PSD3: variants seen among roughly 807,000 people sequenced by gnomAD.
PSD3 encodes the protein pleckstrin and Sec7 domain containing 3, also known as PH and SEC7 domain-containing protein 3.
Under a neutral mutation model 105.5 loss-of-function variants are expected in PSD3, and 49 were observed. That is an observed-to-expected ratio of 0.46 (90% confidence interval 0.37 to 0.59). The LOEUF (loss-of-function observed/expected upper bound fraction) is 0.59. Ranked by LOEUF, PSD3 falls within the 20% of genes least tolerant of loss-of-function variation. PSD3 has a pLI of 0.00. For synonymous variants in PSD3, 557 were observed against 457.8 expected (o/e 1.22, Z -2.77); for missense variants, 1,561 against 1,263.8 (o/e 1.24, Z -3.57).
chr8:18,822,928 C>T (rs1190898739), intron 4 of PSD3, among the ~76,000 whole-genome samples: 1 of 152,154 alleles, frequency 6.6e-6, no homozygotes, highest in African/African-American at 2.4e-5. Flanking sequence ...GGCACTACCT[C>T]ACTCCCATCC....
Position 19,013,550 on chromosome 8 carries a change from C to A in PSD3, c.21+13G>T. 3 of 1,568,440 alleles carry A rather than the reference C, an allele frequency of 1.9e-6. No individual in the cohort carries two copies. Among genetic ancestry groups the A allele is most frequent in the Admixed American group, 1.8e-5 (1 of 57,094 alleles). On this transcript the variant is annotated intron_variant, in intron 1 of 15. Transcript: ENST00000327040. ...TGCGCACCCCGCGCCCGCGCCCCGG[C>A]CCCGGAGCTCACCGCTGCGCTCCTT...
intron 1 of PSD3, chr8:19,000,724 G>A (rs544980154): frequency 6.6e-6 from 1 of 152,010 alleles, no homozygotes; most frequent in African/African-American, 2.4e-5. Flanking sequence ...GCAAAAAAGT[G>A]ATCAGGCCAG....
chr8:18,867,860 T>C lies in PSD3; in HGVS notation c.1448A>G (p.Gln483Arg). The part of the protein sequence containing the change: ...SFEMPLTPMI[Q>R]QRIKEGGQFL... Reference sequence around the variant, plus strand: ...CTGACCACCTTCTTTAATGCGCTGTTGTATCATTGGAGTGAGGGGCATTTC... The same window carrying C: ...CTGACCACCTTCTTTAATGCGCTGTCGTATCATTGGAGTGAGGGGCATTTC... The change falls in exon 4 of 16, where the codon CAA becomes CGA. Residue 483 changes from glutamine to arginine, a missense_variant. By Grantham distance (43) the Gln-to-Arg change is conservative (BLOSUM62 1). Transcript: ENST00000327040. The C allele has an allele frequency of 3.7e-6, 6 of 1,614,192 alleles. No homozygotes were observed. Among genetic ancestry groups the C allele is most frequent in the Non-Finnish European group, 5.1e-6 (6 of 1,180,036 alleles).
chr8:18,581,607 C>T (rs1323798895), intron 12 of PSD3, among the ~76,000 whole-genome samples: 1 of 152,112 alleles, frequency 6.6e-6, no homozygotes, highest in Non-Finnish European at 1.5e-5. Context: ...GAAGTGTTCA[C>T]CCGAATTTAT....
At chr8:18,592,616 T>G (rs540252257) in intron 12 of PSD3, among the ~76,000 whole-genome samples, 1 of 152,264 alleles carries the variant, frequency 6.6e-6, no homozygotes, top group South Asian at 2.1e-4. Flanking sequence ...GAAAAGTGAT[T>G]GGTCTGTGTA....
At chr8:18,809,798 T>C (rs1811538046) in intron 4 of PSD3, among the ~76,000 whole-genome samples, 1 of 152,332 alleles carries the variant, frequency 6.6e-6, no homozygotes, top group Middle Eastern at 3.4e-3. Context: ...TCTACAGTTT[T>C]ATCAAGACTT....
chr8:18,872,513 G>T lies in PSD3; in HGVS notation c.351C>A (p.Ala117=). 6.2e-7 allele frequency: 1 copy of T among 1,614,074 alleles called. No individual in the cohort carries two copies. The highest frequency in any genetic ancestry group is 1.1e-5 in the South Asian group (1 of 91,064). The change falls in exon 3 of 16, where the codon GCC becomes GCA. Residue 117 remains alanine (A), a synonymous_variant. Coordinates refer to ENST00000327040, the MANE Select transcript of PSD3 (RefSeq NM_015310.4). ...GTTCCTTGAGATGACTTTGAGAGGG[G>T]GCCTCTCTGACATCTTTTGGTCCTT... ...VTEGPKDVRE[A]PSQSHLKEQS...
At chr8:18,656,007 A>T (rs1226455793) in intron 9 of PSD3, among the ~76,000 whole-genome samples, 1 of 152,176 alleles carries the variant, frequency 6.6e-6, no homozygotes, top group African/African-American at 2.4e-5. Context: ...TCATATTGAA[A>T]ATATGGTCTT....
intron 13 of PSD3, among the ~76,000 whole-genome samples, chr8:18,574,412 GC>G (rs1310277678): frequency 6.6e-6 from 1 of 152,080 alleles, no homozygotes; most frequent in East Asian, 1.9e-4. Flanking sequence ...GTTTCTTTAT[GC>G]CCAATAGCTG....
intron 1 of PSD3, among the ~76,000 whole-genome samples, chr8:18,980,361 T>G (rs565369787): frequency 2.1e-4 from 32 of 152,258 alleles, no homozygotes; most frequent in Admixed American, 2.0e-4. Flanking sequence ...GGAGGTAGCT[T>G]ATCTTATGGT....
intron 1 of PSD3, among the ~76,000 whole-genome samples, chr8:18,949,245 ATATATATATATATATATATAT>A (rs1823079063): frequency 2.8e-5 from 1 of 35,258 alleles, no homozygotes; most frequent in Non-Finnish European, 5.6e-5. Flanking sequence ...AAAAAAAAAA[ATATATATATATATATATATAT>A]ATATATATAT....
At chr8:18,769,699 C>T (rs917226561) in intron 8 of PSD3, among the ~76,000 whole-genome samples, 2 of 152,170 alleles carry the variant, frequency 1.3e-5, no homozygotes, top group Admixed American at 1.3e-4. Flanking sequence ...ACAGATTTGC[C>T]TATTCAGGAC....
chr8:18,941,119 A>G (rs557777357), intron 1 of PSD3, among the ~76,000 whole-genome samples: 1 of 152,342 alleles, frequency 6.6e-6, no homozygotes, highest in East Asian at 1.9e-4. Flanking sequence ...AATTCAGACT[A>G]CTATTTCCTT....
At chr8:18,909,821 T>C (rs953968852) in intron 2 of PSD3, among the ~76,000 whole-genome samples, 1 of 152,238 alleles carries the variant, frequency 6.6e-6, no homozygotes, top group Non-Finnish European at 1.5e-5. Flanking sequence ...CTACAATGTT[T>C]TAAGTAAACA....
intron 2 of PSD3, among the ~76,000 whole-genome samples, chr8:18,930,426 A>G (rs1821665236): frequency 6.6e-6 from 1 of 152,200 alleles, no homozygotes; most frequent in Non-Finnish European, 1.5e-5. Flanking sequence ...TTTCCCAAAC[A>G]GTGAAACCGG....
intron 4 of PSD3, among the ~76,000 whole-genome samples, chr8:18,827,697 T>C (rs1813312847): frequency 1.3e-5 from 2 of 151,938 alleles, no homozygotes; most frequent in Non-Finnish European, 2.9e-5. Flanking sequence ...AGGTGACAGA[T>C]GAGAAGGATT....
intron 9 of PSD3, among the ~76,000 whole-genome samples, chr8:18,743,737 G>C: frequency 6.8e-6 from 1 of 147,320 alleles, no homozygotes; most frequent in East Asian, 2.0e-4. Context: ...AGGAATTTGA[G>C]ACCAATCTGG....
chr8:18,778,680 C>G (rs1220245976), intron 8 of PSD3, among the ~76,000 whole-genome samples: 1 of 151,136 alleles, frequency 6.6e-6, no homozygotes, highest in Non-Finnish European at 1.5e-5. Context: ...TTATGAAACC[C>G]TTTTTTTGCA....
intron 6 of PSD3, among the ~76,000 whole-genome samples, chr8:18,803,768 G>A (rs1810945973): frequency 6.6e-6 from 1 of 151,038 alleles, no homozygotes; most frequent in Non-Finnish European, 1.5e-5. Flanking sequence ...CCAGGGGCTG[G>A]GGGAAAGGAG....
Sources: gnomAD v4.1 joint callset for allele counts (sites outside exome capture counted in the v4.1 genomes callset) on GRCh38, gnomAD v4.1.1 for gene constraint, MANE v1.5 for transcripts, NCBI Gene and HGNC (gene_info 2026-07-23, HGNC 2026-07-21) for gene names.